Variants in OLFML2B observed in about 807,000 individuals in gnomAD.
OLFML2B encodes olfactomedin like 2B.
Under a neutral mutation model 74.9 loss-of-function variants are expected in OLFML2B, and 57 were observed. The observed-to-expected ratio is 0.76, with a 90% CI of 0.61 to 0.95. The LOEUF is 0.95. Ranked by LOEUF, OLFML2B falls within the 40% of genes least tolerant of loss-of-function variation. OLFML2B has a pLI of 0.00. For missense variants in OLFML2B, 986 were observed against 970.6 expected, an observed-to-expected ratio of 1.02 and a Z score of -0.21; for synonymous variants, 388 against 405.8, an observed-to-expected ratio of 0.96 and a Z score of 0.53.
chr1:162,015,695 C>G (rs184642399), intron 3 of OLFML2B, among the ~76,000 whole-genome samples: 19 of 152,278 alleles, frequency 1.2e-4, no homozygotes, highest in African/African-American at 3.4e-4. Flanking sequence ...GAGGAAGAGT[C>G]CGAAGCCTGC....
At chr1:161,993,679 G>A (rs569404409) in intron 6 of OLFML2B, among the ~76,000 whole-genome samples, 10 of 152,238 alleles carry the variant, frequency 6.6e-5, no homozygotes, top group African/African-American at 1.9e-4. Flanking sequence ...CTGTGCTGGC[G>A]TACCTGGGCT....
At chr1:162,011,253 T>C (rs1558065660) in intron 3 of OLFML2B, among the ~76,000 whole-genome samples, 1 of 152,152 alleles carries the variant, frequency 6.6e-6, no homozygotes, top group Non-Finnish European at 1.5e-5. Flanking sequence ...CCCTGGCAGA[T>C]AGCTGGATGC....
intron 6 of OLFML2B, among the ~76,000 whole-genome samples, chr1:161,992,683 T>A (rs189344179): frequency 6.6e-6 from 1 of 151,864 alleles, no homozygotes; most frequent in Non-Finnish European, 1.5e-5. Context: ...GCCCAAGGAG[T>A]GGGAGAGAGA....
chr1:161,984,463 A>G (rs534898065), intron 7 of OLFML2B, among the ~76,000 whole-genome samples, 187 bp from the exon 8 acceptor site: 5 of 152,328 alleles, frequency 3.3e-5, no homozygotes. Flanking sequence ...TATCTGTCAT[A>G]GGGAAGTGAC....
At chr1:161,990,909 C>T (rs12044683) in intron 6 of OLFML2B, among the ~76,000 whole-genome samples, 8,297 of 152,224 alleles carry the variant, frequency 0.055, 388 homozygotes, top group African/African-American at 0.12. Flanking sequence ...ACTGTCTTCA[C>T]CAGGAGTAGG....
Position 162,014,534 on chromosome 1 carries a change from T to C in OLFML2B, c.546+2866A>G, listed in dbSNP as rs560614633. 1.2e-4 allele frequency among the ~76,000 whole-genome samples: 19 copies of C among 152,308 alleles called. No individual in the cohort carries two copies. In the South Asian group the frequency reaches 1.5e-3, roughly 12 times the overall value. On this transcript the variant is annotated intron_variant, in intron 3 of 7. Coordinates refer to ENST00000294794, the MANE Select transcript of OLFML2B (RefSeq NM_015441.3). The stretch of plus-strand genomic sequence containing the variant: ...TTGTCTGACCTCCAAAGAGCTCCCA[T>C]TGGGATTCAAGAATATTCAAGGACC...
chr1:161,983,224 A>C lies in OLFML2B; in HGVS notation c.*451T>G, dbSNP rs1245341495. The C allele has an allele frequency of 1.3e-5, 2 of 152,284 alleles. No individual in the cohort carries two copies. The highest frequency in any genetic ancestry group is 4.9e-5 in the African/African-American group (2 of 41,206). 9.4% of individuals were successfully genotyped at this position (152,284 alleles called of 1,614,324 possible). ...AAATTTCTTCTTTATTAAAAAAAAAAAGCGTTTTTCTGGGTTTTTTAAAAC... is the reference window on the plus strand; with the variant it reads ...AAATTTCTTCTTTATTAAAAAAAAACAGCGTTTTTCTGGGTTTTTTAAAAC... On this transcript the variant is annotated 3_prime_UTR_variant, in exon 8 of 8. Coordinates refer to ENST00000294794, the MANE Select transcript of OLFML2B (RefSeq NM_015441.3).
chr1:162,020,200 G>T lies in OLFML2B; in HGVS notation c.175-18C>A. The T allele has an allele frequency of 6.2e-7, 1 of 1,610,928 alleles. No homozygotes were observed. The highest frequency in any genetic ancestry group is 8.5e-7 in the Non-Finnish European group (1 of 1,177,482). On this transcript the variant is annotated intron_variant, in intron 1 of 7. Coordinates refer to ENST00000294794, the MANE Select transcript of OLFML2B (RefSeq NM_015441.3). ...CCCAGCAACTAGACACACAGAAAACGGGTTAGGGGCATGCAAACACAGGTG... is the reference window on the plus strand; with the variant it reads ...CCCAGCAACTAGACACACAGAAAACTGGTTAGGGGCATGCAAACACAGGTG...
At chr1:162,008,879 C>T (rs1234925700) in intron 3 of OLFML2B, among the ~76,000 whole-genome samples, 2 of 152,174 alleles carry the variant, frequency 1.3e-5, no homozygotes, top group Non-Finnish European at 2.9e-5. Flanking sequence ...CTGGGACTGA[C>T]GGGAAAAGTT....
At chr1:162,006,732 T>C (rs539643557) in intron 3 of OLFML2B, among the ~76,000 whole-genome samples, 27 of 152,184 alleles carry the variant, frequency 1.8e-4, no homozygotes, top group Admixed American at 1.3e-4. Flanking sequence ...GCTTTTCTAT[T>C]AATAACATTG....
chr1:162,013,234 C>T (rs1456153806), intron 3 of OLFML2B, among the ~76,000 whole-genome samples: 1 of 152,164 alleles, frequency 6.6e-6, no homozygotes, highest in East Asian at 1.9e-4. Flanking sequence ...CATGTACCTA[C>T]ACTTCCTGCA....
At chr1:162,019,476 C>T (rs1690636395) in intron 2 of OLFML2B, among the ~76,000 whole-genome samples, 1 of 152,214 alleles carries the variant, frequency 6.6e-6, no homozygotes, top group Non-Finnish European at 1.5e-5. Flanking sequence ...TATAGGATCA[C>T]AGTTTGATGA....
intron 3 of OLFML2B, among the ~76,000 whole-genome samples, chr1:162,009,139 G>A (rs555621924): frequency 2.2e-4 from 34 of 152,190 alleles, no homozygotes; most frequent in Admixed American, 6.5e-5. Context: ...GGGGGAAGTA[G>A]GCAATAGACA....
intron 3 of OLFML2B, among the ~76,000 whole-genome samples, chr1:162,010,012 G>A (rs551202834): frequency 7.9e-5 from 12 of 152,360 alleles, no homozygotes; most frequent in Admixed American, 3.3e-4. Context: ...AACTTGGCTC[G>A]TGGGCAGTGC....
intron 6 of OLFML2B, among the ~76,000 whole-genome samples, chr1:161,995,722 G>A (rs866779697): frequency 1.6e-4 from 25 of 152,224 alleles, no homozygotes; most frequent in African/African-American, 6.0e-4. Context: ...TGCAAGGTGT[G>A]TGGGTCCTAC....
rs576357882 is a variant in OLFML2B, at chr1:162,019,846, C to T, written c.438+73G>A. The T allele has an allele frequency of 5.8e-6, 9 of 1,554,072 alleles. No homozygotes were observed. The South Asian group carries it at 6.2e-5, about 11-fold the overall frequency. ...TCTTCAAAGGGCTTAGAATCTTCAACCATGGCCTTACCAGACTTGTGGATC... is the reference window on the plus strand; with the variant it reads ...TCTTCAAAGGGCTTAGAATCTTCAATCATGGCCTTACCAGACTTGTGGATC... On this transcript the variant is annotated intron_variant, in intron 2 of 7. Transcript: ENST00000294794.
chr1:162,010,071 A>C (rs1690334362), intron 3 of OLFML2B, among the ~76,000 whole-genome samples: 1 of 152,200 alleles, frequency 6.6e-6, no homozygotes, highest in South Asian at 2.1e-4. Flanking sequence ...GGCAGAAGCA[A>C]GTGTACCCAT....
intron 3 of OLFML2B, among the ~76,000 whole-genome samples, chr1:162,006,898 C>A (rs528005045): frequency 2.7e-5 from 4 of 150,862 alleles, no homozygotes; most frequent in Admixed American, 1.3e-4. Context: ...GCTTTCTAAG[C>A]AATTTTGGAA....
chr1:162,019,252 C>T (rs1461282635), intron 2 of OLFML2B, among the ~76,000 whole-genome samples: 1 of 152,204 alleles, frequency 6.6e-6, no homozygotes, highest in African/African-American at 2.4e-5. Context: ...GTTATTATTA[C>T]CACATGTTAT....
Sources: gnomAD v4.1 joint callset for allele counts (sites outside exome capture counted in the v4.1 genomes callset) on GRCh38, gnomAD v4.1.1 for gene constraint, MANE v1.5 for transcripts, NCBI Gene and HGNC (gene_info 2026-07-23, HGNC 2026-07-21) for gene names.